The following ABCA3 variants were observed in gnomAD, a reference collection of about 807,000 sequenced individuals.
ABCA3 encodes phospholipid-transporting ATPase ABCA3.
A neutral mutation model predicts 172.8 loss-of-function variants in ABCA3; 88 were observed. That is an observed-to-expected ratio of 0.51 (90% confidence interval 0.43 to 0.61). The LOEUF (loss-of-function observed/expected upper bound fraction) is 0.61, where lower values mean the gene tolerates loss of function less well. Ranked by LOEUF, ABCA3 falls within the 20% of genes least tolerant of loss-of-function variation. ABCA3 has a pLI of 0.00. For missense variants in ABCA3, 2,164 were observed against 2,301.0 expected, an observed-to-expected ratio of 0.94 and a Z score of 1.22; for synonymous variants, 1,066 against 983.8, an observed-to-expected ratio of 1.08 and a Z score of -1.56.
In ABCA3 at chr16:2,326,128, C is replaced by T; in HGVS notation, c.201G>A (p.Leu67=). The T allele has an allele frequency of 1.2e-6, 2 of 1,614,152 alleles. No homozygotes were observed. The highest frequency in any genetic ancestry group is 1.7e-5 in the Admixed American group (1 of 60,032). The part of the protein sequence containing the change: ...YPGQSIQELP[L]FFTFPPPGDT... ...CTCCTGGCGGAGGGAAGGTGAAGAA[C>T]AGAGGCAGCTCCTGGATGGACTGGC... The change falls in exon 5 of 33, where the codon CTG becomes CTA. Residue 67 remains leucine (L), a synonymous_variant. Coordinates refer to ENST00000301732, the MANE Select transcript of ABCA3 (RefSeq NM_001089.3).
In ABCA3 at chr16:2,295,641, C is replaced by A. The variant is rs1157297007; in HGVS notation, c.2363G>T (p.Ser788Ile). The change falls in exon 18 of 33, where the codon AGC becomes ATC. Residue 788 changes from serine (S) to isoleucine (I), a missense_variant. By Grantham distance (142) the Ser-to-Ile change is moderately radical. Transcript: ENST00000301732. Reference sequence around the variant, plus strand: ...GAAAGACAGCTCGGCCCCAGCGCTGCTCTCCAGCGTGGCGTTGGGCACGTG... The same window carrying A: ...GAAAGACAGCTCGGCCCCAGCGCTGATCTCCAGCGTGGCGTTGGGCACGTG... Reference protein sequence around the residue: ...HHHVPNATLESSAGAELSFIL... With the variant: ...HHHVPNATLEISAGAELSFIL... 11 of 1,614,040 alleles carry A rather than the reference C, an allele frequency of 6.8e-6. No homozygotes were observed. Among genetic ancestry groups the A allele is most frequent in the Non-Finnish European group, 9.3e-6 (11 of 1,180,050 alleles).
intron 9 of ABCA3, 72 bp from the exon 10 acceptor site, chr16:2,317,475 T>C: frequency 6.2e-7 from 1 of 1,603,992 alleles, no homozygotes; most frequent in Non-Finnish European, 8.5e-7. Context: ...TGACCATCCC[T>C]GGTCACAGGG....
chr16:2,340,410 G>A (rs1008963465), intron 1 of ABCA3, among the ~76,000 whole-genome samples, 163 bp downstream of exon 1: 18 of 151,422 alleles, frequency 1.2e-4, no homozygotes, highest in African/African-American at 4.1e-4. Flanking sequence ...GCGCGGGCGC[G>A]GCCGGAGGGG....
At chr16:2,333,927 A>T (rs2093747473) in intron 1 of ABCA3, among the ~76,000 whole-genome samples, 1 of 152,068 alleles carries the variant, frequency 6.6e-6, no homozygotes, top group Admixed American at 6.6e-5. Context: ...TGACCTTGTG[A>T]TCCACCCGCC....
Position 2,295,590 on chromosome 16 carries a change from C to T in ABCA3, c.2414G>A (p.Arg805Lys). ...SFILPRESTH[R>K]FEGLFAKLEK... ...TGCGTGCCCTCCCTGGGAGGCGTAC[C>T]TGTGCGTGCTCTCTCTGGGAAGGAT... Residue 805 changes from arginine to lysine, a missense_variant and splice_region_variant, in exon 18 of 33, where the codon AGG (arginine) becomes AAG (lysine). Physicochemically the swap from Arg to Lys is conservative, Grantham distance 26 (BLOSUM62 2). Coordinates refer to ENST00000301732, the MANE Select transcript of ABCA3 (RefSeq NM_001089.3). 6.2e-7 allele frequency: 1 copy of T among 1,613,004 alleles called. No homozygotes were observed. Among genetic ancestry groups the T allele is most frequent in the Non-Finnish European group, 8.5e-7 (1 of 1,180,036 alleles).
chr16:2,338,166 G>A (rs534058688), intron 1 of ABCA3, among the ~76,000 whole-genome samples: 22 of 152,252 alleles, frequency 1.4e-4, no homozygotes, highest in Middle Eastern at 6.8e-3. Flanking sequence ...CAAGGACCTC[G>A]TTACACGGCT....
chr16:2,319,938 G>T, intron 7 of ABCA3, 98 bp from the exon 8 acceptor site: 2 of 1,534,618 alleles, frequency 1.3e-6, no homozygotes, highest in Admixed American at 1.7e-5. Flanking sequence ...GAGATGCTTG[G>T]GGCAACAGAG....
intron 26 of ABCA3, among the ~76,000 whole-genome samples, chr16:2,282,476 A>G (rs2093656650): frequency 6.6e-6 from 1 of 152,224 alleles, no homozygotes; most frequent in Non-Finnish European, 1.5e-5. Flanking sequence ...CCCCTCGGCT[A>G]AGCTGTATGT....
At chr16:2,305,954 G>A (rs1376439582) in intron 11 of ABCA3, among the ~76,000 whole-genome samples, 1 of 152,106 alleles carries the variant, frequency 6.6e-6, no homozygotes, top group African/African-American at 2.4e-5. Context: ...GGGGATCTGT[G>A]TGTCCAAACA....
chr16:2,283,516 C>T lies in ABCA3; in HGVS notation c.3863-158G>A, dbSNP rs912002754. On this transcript the variant is annotated intron_variant, in intron 25 of 32. Transcript: ENST00000301732. The surrounding 1 kb of genome is among the most constrained non-coding windows in gnomAD (Gnocchi z 5.4). ...AGGCCAGTAGGTCACAGCTGCCTCT[C>T]GAGGCACCACAGCTCAGAGAGGGGC... 3.6e-5 allele frequency: 28 copies of T among 776,742 alleles called. No individual in the cohort carries two copies. Among genetic ancestry groups the T allele is most frequent in the African/African-American group, 8.8e-5 (5 of 57,044 alleles). The allele number at this position is 776,742 out of a possible 1,614,324, so 48.1% of individuals were successfully genotyped here.
At chr16:2,326,373 C>T in intron 4 of ABCA3, 40 bp downstream of exon 4, 2 of 1,612,440 alleles carry the variant, frequency 1.2e-6, no homozygotes, top group South Asian at 2.2e-5. Context: ...AGCCTCTGGG[C>T]TAGGCACGCA....
chr16:2,286,925 C>A lies in ABCA3; in HGVS notation c.3047G>T (p.Gly1016Val). 2 of 1,613,928 alleles carry A rather than the reference C, an allele frequency of 1.2e-6. No individual in the cohort carries two copies. The highest frequency in any genetic ancestry group is 1.7e-6 in the Non-Finnish European group (2 of 1,179,988). ...AAGGCACCGCTCATTAAAGCCGCCC[C>A]CCTCCACAGAAGCCCTGAAGATCAA... ...EFLIFRASVE[G>V]GGFNERCLVA... Residue 1016 changes from glycine (G) to valine (V), a missense_variant, in exon 22 of 33, where the codon GGG becomes GTG. Gly to Val is a moderately radical substitution (Grantham distance 109). Around this residue, in one of 3 missense-constraint regions of ABCA3, gnomAD observed 1,343 missense variants for 1,369.6 expected, o/e 0.98. Coordinates refer to ENST00000301732, the MANE Select transcript of ABCA3 (RefSeq NM_001089.3). The surrounding 1 kb of genome is among the most constrained non-coding windows in gnomAD (Gnocchi z 5.2).
rs557487693 is a variant in ABCA3, at chr16:2,276,578, A to G, written c.*96T>C. On this transcript the variant is annotated 3_prime_UTR_variant, in exon 33 of 33. Transcript: ENST00000301732. ...TATCCATCATAGAAAAAAGTGATTA[A>G]AAATAAAGGATGAGATAAACTTGGA... 2.7e-4 allele frequency: 429 copies of G among 1,561,698 alleles called. 5 individuals carry two copies. The South Asian group carries it at 4.2e-3, about 15-fold the overall frequency.
intron 2 of ABCA3, among the ~76,000 whole-genome samples, chr16:2,329,388 G>A (rs771675571): frequency 1.3e-5 from 2 of 152,188 alleles, no homozygotes; most frequent in East Asian, 3.8e-4. Flanking sequence ...TCATCCCGGG[G>A]AAGTACACTC....
At chr16:2,330,189 A>T (rs1212686122) in intron 1 of ABCA3, among the ~76,000 whole-genome samples, 3 of 148,190 alleles carry the variant, frequency 2.0e-5, no homozygotes, top group Non-Finnish European at 3.0e-5. Context: ...GCTACTCGGG[A>T]GGCTGAGGTG....
Position 2,324,452 on chromosome 16 carries a change from C to T in ABCA3, c.399G>A (p.Val133=). The T allele has an allele frequency of 6.2e-7, 1 of 1,608,878 alleles. No homozygotes were observed. The highest frequency in any genetic ancestry group is 8.5e-7 in the Non-Finnish European group (1 of 1,179,668). ...DNCSSSVLAA[V]VFEHPFNHSK... Reference sequence around the variant, plus strand: ...TGTGGTTGAAGGGGTGCTCGAAGACCACGGCGGCCAGCACGCTGGACGAGC... The same window carrying T: ...TGTGGTTGAAGGGGTGCTCGAAGACTACGGCGGCCAGCACGCTGGACGAGC... The change falls in exon 6 of 33, where the codon GTG becomes GTA. Residue 133 remains valine, a synonymous_variant. Transcript: ENST00000301732.
chr16:2,278,030 G>A lies in ABCA3; in HGVS notation c.4758C>T (p.Ile1586=). The change falls in exon 31 of 33, where the codon ATC becomes ATT. Residue 1586 remains isoleucine (I), a synonymous_variant. Transcript: ENST00000301732. This position sits in a 1 kb window ranked among gnomAD's most constrained non-coding sequence, Gnocchi z 4.4. Reference sequence around the variant, plus strand: ...GGCACTTGAACTGCCCCTGCACCATGATGGCCAGCCGGGTGCACAGGGCCT... The same window carrying A: ...GGCACTTGAACTGCCCCTGCACCATAATGGCCAGCCGGGTGCACAGGGCCT... The part of the protein sequence containing the change: ...ECEALCTRLA[I]MVQGQFKCLG... 6.2e-7 allele frequency: 1 copy of A among 1,613,430 alleles called. No individual in the cohort carries two copies. Among genetic ancestry groups the A allele is most frequent in the Non-Finnish European group, 8.5e-7 (1 of 1,180,022 alleles).
At chr16:2,291,879 G>A (rs2093672614) in intron 19 of ABCA3, among the ~76,000 whole-genome samples, 1 of 152,040 alleles carries the variant, frequency 6.6e-6, no homozygotes, top group Non-Finnish European at 1.5e-5. Context: ...TTTGAGACCA[G>A]CCTGACCAAC....
chr16:2,299,333 G>A (rs537250616), intron 14 of ABCA3, 70 bp downstream of exon 14: 116 of 1,599,416 alleles, frequency 7.3e-5, no homozygotes, highest in Middle Eastern at 1.7e-4. Context: ...GGAGTGAGGC[G>A]GGGCTGGCGC....
Sources: allele counts gnomAD v4.1 joint callset (sites outside exome capture counted in the v4.1 genomes callset), GRCh38; gene constraint gnomAD v4.1.1; regional missense constraint gnomAD v4.1.1; non-coding constraint Gnocchi (gnomAD v3.1); transcripts MANE v1.5; gene names NCBI Gene and HGNC (gene_info 2026-07-23, HGNC 2026-07-21).